The following JAZF1 variants were observed in gnomAD, a reference collection of about 807,000 sequenced individuals.
JAZF1 encodes the protein JAZF zinc finger 1, also known as juxtaposed with another zinc finger protein 1.
JAZF1 carries 8 observed loss-of-function variants against 26.4 expected under a neutral mutation model. The ratio of observed to expected loss-of-function variants is 0.30; its 90% confidence interval spans 0.18 to 0.55. The LOEUF (loss-of-function observed/expected upper bound fraction) is 0.55. JAZF1 is among the 20% of genes least tolerant of loss of function. The pLI, the probability that JAZF1 is intolerant of heterozygous loss-of-function variation, is 0.94. For missense variants in JAZF1, 199 were observed against 322.0 expected, an observed-to-expected ratio of 0.62 and a Z score of 2.92; for synonymous variants, 126 against 122.3, an observed-to-expected ratio of 1.03 and a Z score of -0.20.
At chr7:27,957,930 TC>T (rs1785126381) in intron 2 of JAZF1, among the ~76,000 whole-genome samples, 1 of 152,178 alleles carries the variant, frequency 6.6e-6, no homozygotes, top group African/African-American at 2.4e-5. Context: ...GTTTTACATA[TC>T]TATGCAATAG....
Position 27,831,014 on chromosome 7 carries a change from A to G in JAZF1, c.*1786T>C. 1 of 219,868 alleles carries G rather than the reference A, an allele frequency of 4.5e-6. No homozygotes were observed. The highest frequency in any genetic ancestry group is 1.8e-4 in the South Asian group (1 of 5,422). The allele number at this position is 219,868 out of a possible 1,614,324, so 13.6% of individuals were successfully genotyped here. A position where few individuals can be genotyped will look rare whatever the true frequency, so the allele number is the denominator to read the frequency against. ...TGGCCTAAAAAATTTTTTTTGGTCA[A>G]TTGTAGGTAGATATGAAATAGCCAA... On this transcript the variant is annotated 3_prime_UTR_variant, in exon 5 of 5. Coordinates refer to ENST00000283928, the MANE Select transcript of JAZF1 (RefSeq NM_175061.4).
intron 2 of JAZF1, among the ~76,000 whole-genome samples, chr7:27,989,459 G>T (rs1785847159): frequency 6.6e-6 from 1 of 152,186 alleles, no homozygotes; most frequent in East Asian, 1.9e-4. Context: ...AAGAGCTTCT[G>T]CACAGCAAAA....
chr7:28,060,440 T>C (rs929865195), intron 1 of JAZF1, among the ~76,000 whole-genome samples: 2 of 152,236 alleles, frequency 1.3e-5, no homozygotes, highest in African/African-American at 4.8e-5. Flanking sequence ...AATAAAGAAT[T>C]CCTTCACAAA....
At chr7:28,050,575 T>C (rs1783595655) in intron 1 of JAZF1, among the ~76,000 whole-genome samples, 1 of 152,238 alleles carries the variant, frequency 6.6e-6, no homozygotes, top group African/African-American at 2.4e-5. Context: ...ACATCTACTA[T>C]CACTGTATCT....
chr7:27,999,438 G>A (rs1056076203), intron 1 of JAZF1, among the ~76,000 whole-genome samples: 9 of 152,130 alleles, frequency 5.9e-5, no homozygotes, highest in African/African-American at 2.2e-4. Flanking sequence ...GAGGCTTAGT[G>A]ACAAAAGAAA....
chr7:28,008,493 T>C (rs986452144), intron 1 of JAZF1, among the ~76,000 whole-genome samples: 1 of 152,174 alleles, frequency 6.6e-6, no homozygotes, highest in Admixed American at 6.5e-5. Flanking sequence ...AATTCTAAGG[T>C]CCTACCCCAG....
chr7:27,986,164 T>A (rs1447781765), intron 2 of JAZF1, among the ~76,000 whole-genome samples: 2 of 152,152 alleles, frequency 1.3e-5, no homozygotes, highest in Non-Finnish European at 2.9e-5. Flanking sequence ...GAAAAGAGGA[T>A]GTCAAATTGT....
intron 3 of JAZF1, among the ~76,000 whole-genome samples, chr7:27,870,075 ATTTTTTTTTTTT>A (rs371770357): frequency 4.1e-5 from 5 of 120,664 alleles, no homozygotes; most frequent in Admixed American, 3.6e-4. Context: ...CACCCGGTTA[ATTTTTTTTTTTT>A]TTTTTTTTTT....
At chr7:28,097,663 C>T (rs966615995) in intron 1 of JAZF1, among the ~76,000 whole-genome samples, 1 of 152,074 alleles carries the variant, frequency 6.6e-6, no homozygotes, top group African/African-American at 2.4e-5. Flanking sequence ...CAGCTGTCTA[C>T]GAATCAGTCA....
At chr7:28,143,283 G>A (rs1291520303) in intron 1 of JAZF1, among the ~76,000 whole-genome samples, 12 of 152,112 alleles carry the variant, frequency 7.9e-5, no homozygotes, top group Non-Finnish European at 4.4e-5. Flanking sequence ...ACTCATCCAT[G>A]TCCTTCAAGT....
At chr7:27,963,567 C>CT (rs1046775013) in intron 2 of JAZF1, among the ~76,000 whole-genome samples, 1 of 106,248 alleles carries the variant, frequency 9.4e-6, no homozygotes, top group African/African-American at 4.9e-5. Flanking sequence ...TTCCCCCCCC[C>CT]CCTTTTTTTT....
intron 1 of JAZF1, among the ~76,000 whole-genome samples, chr7:28,130,558 C>G (rs1782777102): frequency 6.6e-6 from 1 of 152,182 alleles, no homozygotes; most frequent in Non-Finnish European, 1.5e-5. Context: ...AGCTTCAACA[C>G]AGTAGTCACA....
intron 1 of JAZF1, among the ~76,000 whole-genome samples, chr7:28,029,970 T>C (rs552889721): frequency 6.6e-6 from 1 of 152,302 alleles, no homozygotes; most frequent in East Asian, 1.9e-4. Flanking sequence ...ATCCTTACTT[T>C]CAAAATCTGA....
chr7:27,919,227 A>G (rs1784490633), intron 2 of JAZF1, among the ~76,000 whole-genome samples: 1 of 152,224 alleles, frequency 6.6e-6, no homozygotes, highest in African/African-American at 2.4e-5. Flanking sequence ...GGAAATGCTC[A>G]ACATAGGTGT....
intron 1 of JAZF1, among the ~76,000 whole-genome samples, chr7:28,032,554 C>A (rs943321168): frequency 6.6e-6 from 1 of 152,084 alleles, no homozygotes; most frequent in African/African-American, 2.4e-5. Flanking sequence ...GAGTGTCAAG[C>A]CCACTCCCTC....
chr7:28,046,213 C>G (rs778072580), intron 1 of JAZF1, among the ~76,000 whole-genome samples: 8 of 152,178 alleles, frequency 5.3e-5, no homozygotes, highest in Non-Finnish European at 8.8e-5. Context: ...GAGCCAAGTA[C>G]TACAAAAAGC....
At chr7:28,069,778 T>G (rs1379551647) in intron 1 of JAZF1, among the ~76,000 whole-genome samples, 1 of 152,192 alleles carries the variant, frequency 6.6e-6, no homozygotes, top group African/African-American at 2.4e-5. Flanking sequence ...TACGGCTCCA[T>G]GCTAGGTCTG....
At chr7:28,140,362 C>T (rs1016843526) in intron 1 of JAZF1, among the ~76,000 whole-genome samples, 1 of 152,150 alleles carries the variant, frequency 6.6e-6, no homozygotes, top group Non-Finnish European at 1.5e-5. Flanking sequence ...GGATTACAGG[C>T]ATGAGCCACC....
intron 1 of JAZF1, among the ~76,000 whole-genome samples, chr7:28,065,523 A>G (rs1184189851): frequency 6.6e-6 from 1 of 152,230 alleles, no homozygotes; most frequent in African/African-American, 2.4e-5. Context: ...GCCAACAAGC[A>G]GACCATAAAT....
Sources: allele counts gnomAD v4.1 joint callset (sites outside exome capture counted in the v4.1 genomes callset), GRCh38; gene constraint gnomAD v4.1.1; transcripts MANE v1.5; gene names NCBI Gene and HGNC (gene_info 2026-07-23, HGNC 2026-07-21).